Variants in THSD7B observed in about 807,000 individuals in gnomAD.
THSD7B encodes the protein thrombospondin type 1 domain containing 7B.
A neutral mutation model predicts 213.6 loss-of-function variants in THSD7B; 138 were observed. The ratio of observed to expected loss-of-function variants is 0.65; its 90% CI spans 0.56 to 0.74. The LOEUF is 0.74. Among genes scored for constraint, THSD7B ranks in the 30% least tolerant of loss-of-function variants. The pLI is 0.00. For missense variants in THSD7B, 1,931 were observed against 1,991.5 expected, an observed-to-expected ratio of 0.97 and a Z score of 0.58; for synonymous variants, 742 against 687.0, an observed-to-expected ratio of 1.08 and a Z score of -1.25.
intron 4 of THSD7B, among the ~76,000 whole-genome samples, chr2:137,099,480 A>G (rs572344188): frequency 6.6e-5 from 10 of 152,344 alleles, no homozygotes; most frequent in African/African-American, 2.4e-4. Context: ...TGGAACAGCT[A>G]TGATTCCAGA....
At chr2:136,782,909 GA>G (rs147190083) in intron 1 of THSD7B, among the ~76,000 whole-genome samples, 1 of 151,900 alleles carries the variant, frequency 6.6e-6, no homozygotes, top group African/African-American at 2.4e-5. Flanking sequence ...TTAAAAAAAA[GA>G]AAAAACAAAA....
intron 17 of THSD7B, among the ~76,000 whole-genome samples, chr2:137,582,382 C>T (rs561942363): frequency 2.0e-5 from 3 of 152,050 alleles, no homozygotes; most frequent in South Asian, 2.1e-4. Context: ...GGTGCATGTG[C>T]ACAACGTGGA....
intron 7 of THSD7B, among the ~76,000 whole-genome samples, chr2:137,178,256 T>C (rs1347608704): frequency 6.6e-6 from 1 of 151,858 alleles, no homozygotes; most frequent in African/African-American, 2.4e-5. Context: ...AAAGCAATAG[T>C]GTTCTCTTGC....
At chr2:137,081,125 G>A (rs1367425325) in intron 3 of THSD7B, among the ~76,000 whole-genome samples, 1 of 152,026 alleles carries the variant, frequency 6.6e-6, no homozygotes, top group South Asian at 2.1e-4. Flanking sequence ...CTGAGAACTT[G>A]AGAATGTCTT....
intron 21 of THSD7B, among the ~76,000 whole-genome samples, chr2:137,647,042 G>T (rs369945011): frequency 6.6e-6 from 1 of 152,072 alleles, no homozygotes; most frequent in Admixed American, 6.6e-5. Context: ...CAGCTTATCC[G>T]TGACCTTCCC....
chr2:136,988,214 G>C (rs187327052), intron 2 of THSD7B, among the ~76,000 whole-genome samples: 72 of 152,172 alleles, frequency 4.7e-4, no homozygotes, highest in Middle Eastern at 3.4e-3. Flanking sequence ...TTTCCCAAAG[G>C]CTCTATTTTA....
intron 5 of THSD7B, among the ~76,000 whole-genome samples, chr2:137,156,510 TC>T (rs1679911983): frequency 6.6e-6 from 1 of 152,148 alleles, no homozygotes; most frequent in Non-Finnish European, 1.5e-5. Flanking sequence ...CATGTCCTTC[TC>T]TAATTTCAAA....
chr2:136,947,568 T>G (rs536509461), intron 2 of THSD7B, among the ~76,000 whole-genome samples: 1 of 152,294 alleles, frequency 6.6e-6, no homozygotes, highest in South Asian at 2.1e-4. Flanking sequence ...GACCAGAGAT[T>G]ATTCTATTTG....
At chr2:137,238,725 T>C (rs1245902747) in intron 9 of THSD7B, among the ~76,000 whole-genome samples, 1 of 148,786 alleles carries the variant, frequency 6.7e-6, no homozygotes. Flanking sequence ...GGCTAATTTT[T>C]TGTATTTTTA....
chr2:137,618,591 T>C, intron 19 of THSD7B, 84 bp downstream of exon 19: 1 of 1,207,926 alleles, frequency 8.3e-7, no homozygotes, highest in Non-Finnish European at 1.2e-6. Flanking sequence ...CCAATATAGA[T>C]AACAGACTGA....
At chr2:137,192,002 C>A (rs186518461) in intron 7 of THSD7B, among the ~76,000 whole-genome samples, 1 of 151,996 alleles carries the variant, frequency 6.6e-6, no homozygotes, top group African/African-American at 2.4e-5. Context: ...GATGAATATA[C>A]CAATAACTGA....
intron 4 of THSD7B, among the ~76,000 whole-genome samples, chr2:137,113,788 G>A (rs1392979862): frequency 6.6e-6 from 1 of 152,054 alleles, no homozygotes; most frequent in Non-Finnish European, 1.5e-5. Flanking sequence ...CCTGAAGTCT[G>A]CACTCCAAAC....
intron 5 of THSD7B, among the ~76,000 whole-genome samples, chr2:137,118,973 A>G (rs1688493592): frequency 6.6e-6 from 1 of 152,144 alleles, no homozygotes; most frequent in Non-Finnish European, 1.5e-5. Context: ...CTTATTCACT[A>G]CCATGAGAAC....
At chr2:137,620,527 G>A in intron 19 of THSD7B, 82 bp from the exon 20 acceptor site, 1 of 1,056,232 alleles carries the variant, frequency 9.5e-7, no homozygotes, top group Non-Finnish European at 1.4e-6. Flanking sequence ...ACAGAGTAAA[G>A]GAAAGTCTTT....
At chr2:137,023,346 G>A (rs1375458910) in intron 2 of THSD7B, among the ~76,000 whole-genome samples, 1 of 152,138 alleles carries the variant, frequency 6.6e-6, no homozygotes, top group African/African-American at 2.4e-5. Flanking sequence ...CGGGGGAGGT[G>A]TCTGGTAGCT....
At chr2:137,134,525 C>T (rs965761897) in intron 5 of THSD7B, among the ~76,000 whole-genome samples, 1 of 152,106 alleles carries the variant, frequency 6.6e-6, no homozygotes, top group Non-Finnish European at 1.5e-5. Context: ...GTGGTTCAGG[C>T]CATGCGCTGG....
At chr2:137,521,872 CCTCAGCTGTTGAGTAACCT>C (rs72423067) in intron 15 of THSD7B, among the ~76,000 whole-genome samples, 85,669 of 151,662 alleles carry the variant, frequency 0.56, 24,811 homozygotes, top group South Asian at 0.69. Flanking sequence ...GGCATGCATC[CCTCAGCTGTTGAGTAACCT>C]CTCAGCTGTT....
intron 2 of THSD7B, among the ~76,000 whole-genome samples, chr2:137,054,218 C>T (rs926448935): frequency 4.6e-5 from 7 of 152,214 alleles, no homozygotes; most frequent in Non-Finnish European, 1.0e-4. Context: ...GCTGGGACAA[C>T]AGACTGGAGG....
At chr2:137,246,595 T>C (rs1682045426) in intron 10 of THSD7B, among the ~76,000 whole-genome samples, 1 of 152,174 alleles carries the variant, frequency 6.6e-6, no homozygotes, top group Non-Finnish European at 1.5e-5. Context: ...TCTCAAGCCA[T>C]GCTTATGATC....
Sources: allele counts gnomAD v4.1 joint callset (sites outside exome capture counted in the v4.1 genomes callset), GRCh38; gene constraint gnomAD v4.1.1; transcripts MANE v1.5; gene names NCBI Gene and HGNC (gene_info 2026-07-23, HGNC 2026-07-21).